The following DNAAF4 variants were observed in gnomAD, a reference collection of about 807,000 sequenced individuals.
DNAAF4 encodes the protein dynein assembly factor 4, axonemal.
In DNAAF4, 43 loss-of-function variants were observed where a neutral mutation model predicts 51.8. The ratio of observed to expected loss-of-function variants is 0.83; its 90% CI spans 0.65 to 1.07. The LOEUF (loss-of-function observed/expected upper bound fraction) is 1.07, where lower values mean the gene tolerates loss of function less well. Among genes scored for constraint, DNAAF4 ranks in the 50% least tolerant of loss-of-function variants. The pLI, the probability that DNAAF4 is intolerant of heterozygous loss-of-function variation, is 0.00. For synonymous variants in DNAAF4, 194 were observed against 165.6 expected (o/e 1.17, Z -1.32); for missense variants, 581 against 493.0 (o/e 1.18, Z -1.69).
At chr15:55,459,989 A>C (rs546897218) in intron 5 of DNAAF4, among the ~76,000 whole-genome samples, 2 of 152,068 alleles carry the variant, frequency 1.3e-5, no homozygotes, top group African/African-American at 2.4e-5. Context: ...GGCGTGAGCC[A>C]CTGCGCCTAG....
intron 4 of DNAAF4, among the ~76,000 whole-genome samples, chr15:55,479,205 G>A (rs1002368979): frequency 1.3e-5 from 2 of 151,450 alleles, no homozygotes; most frequent in African/African-American, 2.4e-5. Flanking sequence ...CACCTAAACT[G>A]AGAGAACAAA....
At chr15:55,470,198 C>G (rs1036833173) in intron 4 of DNAAF4, among the ~76,000 whole-genome samples, 1 of 152,070 alleles carries the variant, frequency 6.6e-6, no homozygotes, top group African/African-American at 2.4e-5. Context: ...TCTACAGGCA[C>G]ATACCACCAC....
chr15:55,489,005 T>G (rs1045593330), intron 4 of DNAAF4, among the ~76,000 whole-genome samples: 2 of 151,458 alleles, frequency 1.3e-5, no homozygotes, highest in African/African-American at 4.9e-5. Context: ...AGAAGAATGG[T>G]GTGAACCCAG....
At chr15:55,487,306 G>A (rs1174712922) in intron 4 of DNAAF4, among the ~76,000 whole-genome samples, 1 of 151,686 alleles carries the variant, frequency 6.6e-6, no homozygotes, top group East Asian at 1.9e-4. Flanking sequence ...TTGTAAACGC[G>A]CCAATCAGCA....
At chr15:55,491,017 C>A in intron 4 of DNAAF4, 106 bp downstream of exon 4, 1 of 1,374,516 alleles carries the variant, frequency 7.3e-7, no homozygotes, top group Non-Finnish European at 1.0e-6. Flanking sequence ...GTCCTCTAAA[C>A]AAAGTATGAA....
downstream of DNAAF4, among the ~76,000 whole-genome samples, chr15:55,425,519 G>C (rs1021205305): frequency 6.6e-6 from 1 of 152,026 alleles, no homozygotes; most frequent in African/African-American, 2.4e-5. Flanking sequence ...GGAATGAAAA[G>C]AACTAAGCCT....
chr15:55,476,817 G>A (rs75185902), intron 4 of DNAAF4, among the ~76,000 whole-genome samples: 6,146 of 152,220 alleles, frequency 0.04, 414 homozygotes, highest in African/African-American at 0.14. Context: ...AGGGCTGGGA[G>A]GATAGAGAAT....
At position 55,466,952 on chromosome 15, in the gene DNAAF4, T is replaced by C; in HGVS notation, c.615A>G (p.Ala205=). The part of the protein sequence containing the change: ...IKYKSLTRNL[A]SRNLAPKGRN... ...TACCTTTTGGAGCAAGATTTCTAGA[T>C]GCCAAATTTCTAGTAAGACTCTTAT... is the stretch of plus-strand genomic sequence containing the variant. Residue 205 remains alanine (A), a synonymous_variant, in exon 5 of 10, where the codon GCA becomes GCG. Coordinates refer to ENST00000321149, the MANE Select transcript of DNAAF4 (RefSeq NM_130810.4). 6.3e-7 allele frequency: 1 copy of C among 1,583,978 alleles called. No individual in the cohort carries two copies. The highest frequency in any genetic ancestry group is 1.4e-5 in the African/African-American group (1 of 72,810).
chr15:55,461,875 G>A (rs1489207517), intron 5 of DNAAF4, among the ~76,000 whole-genome samples: 1 of 152,084 alleles, frequency 6.6e-6, no homozygotes, highest in Non-Finnish European at 1.5e-5. Flanking sequence ...AAACAAAACT[G>A]ATAGACCATT....
At chr15:55,421,583 T>A (rs1445450143) in intron 7 of DNAAF4, among the ~76,000 whole-genome samples, 1 of 152,048 alleles carries the variant, frequency 6.6e-6, no homozygotes, top group Non-Finnish European at 1.5e-5. Flanking sequence ...AGTCATTCAG[T>A]GCCTATTAAA....
intron 6 of DNAAF4, among the ~76,000 whole-genome samples, chr15:55,446,296 C>CCGGGGGGG (rs1555415276): frequency 5.2e-5 from 1 of 19,254 alleles, no homozygotes; most frequent in East Asian, 6.6e-3. Flanking sequence ...ACATCCCAGA[C>CCGGGGGGG]GGGGGGGGGG....
At chr15:55,455,387 A>AATATATAT (rs10688653) in intron 5 of DNAAF4, among the ~76,000 whole-genome samples, 5,203 of 127,130 alleles carry the variant, frequency 0.041, 165 homozygotes, top group African/African-American at 0.067. Flanking sequence ...TAGCAAATTG[A>AATATATAT]ATATATATAT....
intron 4 of DNAAF4, among the ~76,000 whole-genome samples, chr15:55,481,796 A>C (rs1429667626): frequency 1.3e-5 from 2 of 152,202 alleles, no homozygotes; most frequent in East Asian, 3.9e-4. Context: ...GAATTGGGCC[A>C]AAAGAAAAAC....
downstream of DNAAF4, among the ~76,000 whole-genome samples, chr15:55,428,090 A>T (rs554635214): frequency 6.6e-6 from 1 of 151,864 alleles, no homozygotes; most frequent in South Asian, 2.1e-4. Context: ...GTAGCTAGGG[A>T]TTACAAGCAC....
intron 6 of DNAAF4, among the ~76,000 whole-genome samples, chr15:55,445,969 G>A (rs1449928294): frequency 6.2e-5 from 9 of 145,662 alleles, no homozygotes; most frequent in African/African-American, 2.1e-4. Context: ...GGGCGGCCGG[G>A]CAGAGGCGCT....
chr15:55,418,520 C>T (rs1489467530), intron 7 of DNAAF4: 1 of 1,522,628 alleles, frequency 6.6e-7, no homozygotes, highest in Non-Finnish European at 8.8e-7. Context: ...AAATACTGCA[C>T]CTGACAGAAC....
chr15:55,429,761 G>A (rs551065576), downstream of DNAAF4, among the ~76,000 whole-genome samples: 4 of 151,030 alleles, frequency 2.6e-5, no homozygotes, highest in Admixed American at 2.0e-4. Context: ...AGCTTGCAGT[G>A]AGCCAAGATC....
rs71105887 is a variant in DNAAF4, at chr15:55,483,833, CTTTTTT to C, written c.405+7284_405+7289del. Reference sequence around the variant, plus strand: ...GAGCCATCACACCCAGCCAATAAAGCTTTTTTTTTTTTTTTTTTTTTTTTTTTTTTT... The same window carrying C: ...GAGCCATCACACCCAGCCAATAAAGCTTTTTTTTTTTTTTTTTTTTTTTTT... On this transcript the variant is annotated intron_variant, in intron 4 of 9. Coordinates refer to ENST00000321149, the MANE Select transcript of DNAAF4 (RefSeq NM_130810.4). Among the ~76,000 whole-genome samples, 699 of 82,180 alleles carry C rather than the reference CTTTTTT, an allele frequency of 8.5e-3. 41 individuals carry two copies. The highest frequency in any genetic ancestry group is 0.033 in the African/African-American group (677 of 20,420). 53.9% of individuals were successfully genotyped at this position (82,180 alleles called of 152,430 possible). A position where few individuals can be genotyped will look rare whatever the true frequency, so the allele number is the denominator to read the frequency against.
chr15:55,495,379 G>A (rs907095591), intron 3 of DNAAF4, among the ~76,000 whole-genome samples: 1 of 152,106 alleles, frequency 6.6e-6, no homozygotes, highest in African/African-American at 2.4e-5. Flanking sequence ...TAGAAAGAAT[G>A]GTTGCAACTC....
Sources: gnomAD v4.1 joint callset for allele counts (sites outside exome capture counted in the v4.1 genomes callset) on GRCh38, gnomAD v4.1.1 for gene constraint, MANE v1.5 for transcripts, NCBI Gene and HGNC (gene_info 2026-07-23, HGNC 2026-07-21) for gene names.